The following CCDC138 variants were observed in gnomAD, a reference collection of about 807,000 sequenced individuals.
CCDC138 encodes coiled-coil domain containing 138.
A neutral mutation model predicts 82.3 loss-of-function variants in CCDC138; 66 were observed. The ratio of observed to expected loss-of-function variants is 0.80; its 90% CI spans 0.66 to 0.98. The LOEUF (loss-of-function observed/expected upper bound fraction) is 0.98. CCDC138 is among the 50% of genes least tolerant of loss of function. The pLI is 0.00. For synonymous variants in CCDC138, 297 were observed against 265.4 expected, an observed-to-expected ratio of 1.12 and a Z score of -1.16; for missense variants, 816 against 758.9, an observed-to-expected ratio of 1.08 and a Z score of -0.88.
At chr2:108,833,998 G>A (rs1242153039) in intron 10 of CCDC138, among the ~76,000 whole-genome samples, 2 of 144,812 alleles carry the variant, frequency 1.4e-5, no homozygotes, top group Non-Finnish European at 1.5e-5. Context: ...CGCCTGCCTC[G>A]GCCTCCCAAA....
intron 10 of CCDC138, among the ~76,000 whole-genome samples, chr2:108,818,263 T>C (rs1685115135): frequency 6.6e-6 from 1 of 152,138 alleles, no homozygotes; most frequent in Non-Finnish European, 1.5e-5. Context: ...GCCGTGATTG[T>C]ACCACTGTAC....
In CCDC138 at chr2:108,795,737, C is replaced by T. The variant is rs569104695; in HGVS notation, c.576+1016C>T. Among the ~76,000 whole-genome samples, 13 of 152,160 alleles carry T rather than the reference C, an allele frequency of 8.5e-5. No individual in the cohort carries two copies. The East Asian group carries it at 2.3e-3, about 27-fold the overall frequency. ...AAAGATAATAGTGGAAAGGGCATTC[C>T]AGGTGTAAGGAATTGGAAATGAGAG... On this transcript the variant is annotated intron_variant, in intron 5 of 14. Transcript: ENST00000295124.
chr2:108,795,993 GA>G (rs1263786587), intron 5 of CCDC138, among the ~76,000 whole-genome samples: 1 of 151,950 alleles, frequency 6.6e-6, no homozygotes, highest in African/African-American at 2.4e-5. Flanking sequence ...TGTTTAATAA[GA>G]AAAAAATGAA....
chr2:108,846,600 C>T, intron 11 of CCDC138, 138 bp from the exon 12 acceptor site: 1 of 652,702 alleles, frequency 1.5e-6, no homozygotes, highest in Non-Finnish European at 2.6e-6. Flanking sequence ...TTGCTTGAGC[C>T]CAGGAGTTTG....
rs368387005 is a variant in CCDC138 at position 108,827,618 on chromosome 2, T to C, written c.1206+11513T>C. 4.2e-3 allele frequency among the ~76,000 whole-genome samples: 636 copies of C among 152,032 alleles called. 3 individuals carry two copies. The highest frequency in any genetic ancestry group is 6.8e-3 in the Middle Eastern group (2 of 294). ...GATCACGAGGTCAGGAGACGGAGAC[T>C]ATCCTGGCTAACACAGTGAAACCCC... On this transcript the variant is annotated intron_variant, in intron 10 of 14. Coordinates refer to ENST00000295124, the MANE Select transcript of CCDC138 (RefSeq NM_144978.3).
intron 2 of CCDC138, chr2:108,883,076 C>T (rs1460735898): frequency 6.6e-6 from 1 of 152,192 alleles, no homozygotes; most frequent in Non-Finnish European, 1.5e-5. Context: ...TTATTTTCCA[C>T]TGTATTTCAT....
chr2:108,825,024 C>T (rs1447564411), intron 10 of CCDC138, among the ~76,000 whole-genome samples: 2 of 152,254 alleles, frequency 1.3e-5, no homozygotes, highest in Non-Finnish European at 2.9e-5. Context: ...ATGGAAGATA[C>T]AGTACACAGA....
chr2:108,805,461 C>A (rs1452192478), intron 7 of CCDC138, among the ~76,000 whole-genome samples: 2 of 152,098 alleles, frequency 1.3e-5, no homozygotes, highest in African/African-American at 2.4e-5. Context: ...CGCGGTGGCT[C>A]ACGCCTGTAA....
At chr2:108,863,883 G>A (rs1051901558) in intron 13 of CCDC138, among the ~76,000 whole-genome samples, 5 of 152,146 alleles carry the variant, frequency 3.3e-5, no homozygotes, top group African/African-American at 9.7e-5. Context: ...ATTAATGAGC[G>A]CTTTTAGCCA....
rs142377227 is a variant in CCDC138, at chr2:108,819,900, C to G, written c.1206+3795C>G. Among the ~76,000 whole-genome samples, 7 of 152,118 alleles carry G rather than the reference C, an allele frequency of 4.6e-5. No homozygotes were observed. The East Asian group carries it at 1.4e-3, about 29-fold the overall frequency. On this transcript the variant is annotated intron_variant, in intron 10 of 14. Coordinates refer to ENST00000295124, the MANE Select transcript of CCDC138 (RefSeq NM_144978.3). The stretch of plus-strand genomic sequence containing the variant: ...GTGATATATGATTTAAAAACTGTAA[C>G]CGATAATTTAAAAATGGAAAGAGAA...
chr2:108,842,499 C>T (rs1185244504), intron 11 of CCDC138, among the ~76,000 whole-genome samples: 1 of 152,066 alleles, frequency 6.6e-6, no homozygotes, highest in East Asian at 1.9e-4. Context: ...GTTACCCATA[C>T]AGGTTTTTCA....
rs1349297109 is a variant in CCDC138, at chr2:108,855,488, A to G, written c.1517-1306A>G. Among the ~76,000 whole-genome samples, 3 of 135,786 alleles carry G rather than the reference A, an allele frequency of 2.2e-5. No individual in the cohort carries two copies. The South Asian group carries it at 7.8e-4, about 35-fold the overall frequency. The allele number at this position is 135,786 out of a possible 152,430, so 89.1% of individuals were successfully genotyped here. On this transcript the variant is annotated intron_variant, in intron 12 of 14. Transcript: ENST00000295124. ...ATACTCTTCTACCTGTGGTGTTGCT[A>G]AAAAAAAAAAAAGGATGTTTCTAAA...
chr2:108,825,183 G>A (rs1686347157), intron 10 of CCDC138, among the ~76,000 whole-genome samples: 1 of 152,130 alleles, frequency 6.6e-6, no homozygotes, highest in African/African-American at 2.4e-5. Flanking sequence ...AGGATGTAAA[G>A]TGTCCAAAAC....
chr2:108,849,526 A>G (rs1016212692), intron 12 of CCDC138, among the ~76,000 whole-genome samples: 1 of 152,060 alleles, frequency 6.6e-6, no homozygotes, highest in African/African-American at 2.4e-5. Flanking sequence ...TCCCTAGACC[A>G]CAGACAGGCC....
At chr2:108,791,255 C>A (rs549915929) in intron 3 of CCDC138, among the ~76,000 whole-genome samples, 1 of 152,202 alleles carries the variant, frequency 6.6e-6, no homozygotes, top group South Asian at 2.1e-4. Context: ...TTTTTGGAGA[C>A]AACACCTGGA....
intron 13 of CCDC138, among the ~76,000 whole-genome samples, chr2:108,869,766 C>T (rs764677690): frequency 3.2e-4 from 48 of 152,146 alleles, no homozygotes; most frequent in Non-Finnish European, 5.6e-4. Flanking sequence ...CTTAAGCACA[C>T]TCCCTACACC....
At position 108,788,723 on chromosome 2, in the gene CCDC138, G is replaced by GA. The variant is rs751655054; in HGVS notation, c.152-120dup. 3,689 of 1,269,700 alleles carry GA rather than the reference G, an allele frequency of 2.9e-3. 2 individuals carry two copies. Among genetic ancestry groups the GA allele is most frequent in the Non-Finnish European group, 3.2e-3 (3,047 of 959,154 alleles). 78.7% of individuals were successfully genotyped at this position (1,269,700 alleles called of 1,614,324 possible). ...TGACAGAGCGAGACTCCGTCTCAAAGAAAAAAAAAGAAAAAAAAATTTGAG... is the reference window on the plus strand; with the variant it reads ...TGACAGAGCGAGACTCCGTCTCAAAGAAAAAAAAAAGAAAAAAAAATTTGAG... On this transcript the variant is annotated intron_variant, in intron 2 of 14. Transcript: ENST00000295124.
At chr2:108,791,602 G>A (rs944881564) in intron 3 of CCDC138, 73 bp from the exon 4 acceptor site, 1 of 1,503,428 alleles carries the variant, frequency 6.7e-7, no homozygotes, top group Non-Finnish European at 9.2e-7. Flanking sequence ...GTTAATATTT[G>A]AAAAGCAGTT....
chr2:108,846,847 CAA>C lies in CCDC138; in HGVS notation c.1435_1436del (p.Lys479AspfsTer6). On this transcript the variant is annotated frameshift_variant, in exon 12 of 15. Transcript: ENST00000295124. LOFTEE classifies it high-confidence loss of function. The stretch of plus-strand genomic sequence containing the variant: ...CCACAGCATTCTGTGGAGAATAAAC[CAA>C]AGACAGCTGCTTTCTTTAAGAGCTC... 6.2e-7 allele frequency: 1 copy of C among 1,613,344 alleles called. No homozygotes were observed.
Sources: gnomAD v4.1 joint callset for allele counts (sites outside exome capture counted in the v4.1 genomes callset) on GRCh38, gnomAD v4.1.1 for gene constraint, MANE v1.5 for transcripts, NCBI Gene and HGNC (gene_info 2026-07-23, HGNC 2026-07-21) for gene names.